MRAP2: variants seen among roughly 807,000 people sequenced by gnomAD.
The protein encoded by MRAP2 is melanocortin-2 receptor accessory protein 2.
MRAP2 carries 20 observed loss-of-function variants against 17.4 expected under a neutral mutation model. That is an observed-to-expected ratio of 1.15 (90% CI 0.81 to 1.67). MRAP2 has a LOEUF of 1.67. MRAP2 is among the 40% of genes most tolerant of loss of function. MRAP2 has a pLI of 0.00. For synonymous variants in MRAP2, 96 were observed against 88.4 expected (o/e 1.09, Z -0.48); for missense variants, 238 against 240.0 (o/e 0.99, Z 0.05).
the MRAP2 span, among the ~76,000 whole-genome samples, chr6:84,098,852 A>G: frequency 6.6e-6 from 1 of 152,070 alleles, no homozygotes; most frequent in African/African-American, 2.4e-5. Context: ...AATATAAGTT[A>G]TTTATCAGAT....
At chr6:84,108,767 G>A in the MRAP2 span, among the ~76,000 whole-genome samples, 1 of 152,084 alleles carries the variant, frequency 6.6e-6, no homozygotes, top group African/African-American at 2.4e-5. Context: ...TGTCCTAAAT[G>A]GTATCGCCTA....
At chr6:84,070,354 A>G (rs1260114950) in intron 3 of MRAP2, among the ~76,000 whole-genome samples, 14 of 152,148 alleles carry the variant, frequency 9.2e-5, no homozygotes, top group East Asian at 5.8e-4. Context: ...TTTTGACCCA[A>G]TGCTCATTCA....
the MRAP2 span, among the ~76,000 whole-genome samples, chr6:84,137,116 G>A: frequency 6.6e-6 from 1 of 152,194 alleles, no homozygotes; most frequent in East Asian, 1.9e-4. Context: ...CAGGTGGTAT[G>A]AGTCTTATTT....
chr6:84,052,218 A>C (rs2099490597), intron 1 of MRAP2, among the ~76,000 whole-genome samples: 1 of 152,176 alleles, frequency 6.6e-6, no homozygotes, highest in African/African-American at 2.4e-5. Flanking sequence ...AGCCATACAG[A>C]GAGCAGCTGC....
Position 84,062,950 on chromosome 6 carries a change from T to C in MRAP2, c.185T>C (p.Phe62Ser), listed in dbSNP as rs2099493566. 2 of 1,614,204 alleles carry C rather than the reference T, an allele frequency of 1.2e-6. No homozygotes were observed. The highest frequency in any genetic ancestry group is 2.7e-5 in the African/African-American group (2 of 75,058). Residue 62 changes from phenylalanine (F) to serine (S), a missense_variant, in exon 3 of 4, where the codon TTT becomes TCT. Transcript: ENST00000257776. ...GLAVFVIFMF[F>S]VLTLLTKTGA... The stretch of plus-strand genomic sequence containing the variant: ...GCAGTCTTCGTGATTTTTATGTTTT[T>C]TGTGCTGACCTTGCTGACCAAGACA...
At chr6:84,049,470 CA>C (rs1048579775) in intron 1 of MRAP2, among the ~76,000 whole-genome samples, 26 of 151,974 alleles carry the variant, frequency 1.7e-4, no homozygotes, top group African/African-American at 5.6e-4. Context: ...ACAACAACAA[CA>C]AAAAACTTAC....
the MRAP2 span, among the ~76,000 whole-genome samples, chr6:84,134,919 T>TATACAC: frequency 7.8e-4 from 115 of 148,370 alleles, no homozygotes; most frequent in African/African-American, 2.6e-3. Context: ...AGATCATATA[T>TATACAC]ACACACACAC....
intron 1 of MRAP2, among the ~76,000 whole-genome samples, chr6:84,048,935 G>A (rs1055529182): frequency 9.2e-5 from 14 of 152,176 alleles, no homozygotes; most frequent in African/African-American, 3.4e-4. Flanking sequence ...TCAGCTCCCT[G>A]AATCTGTAGA....
In MRAP2 at chr6:84,051,353, T is replaced by C. The variant is rs145362705; in HGVS notation, c.-7-3959T>C. The stretch of plus-strand genomic sequence containing the variant: ...GGCAGATCACCTGAGGTCAGGAGTT[T>C]GTAGACCAGCCTGGCCAGCATGGCA... On this transcript the variant is annotated intron_variant, in intron 1 of 3. Coordinates refer to ENST00000257776, the MANE Select transcript of MRAP2 (RefSeq NM_138409.4). Among the ~76,000 whole-genome samples the C allele has an allele frequency of 1.3e-3, 204 of 152,312 alleles. 1 individual carries two copies. The Middle Eastern group carries it at 0.031, about 23-fold the overall frequency.
At chr6:84,056,505 A>T (rs1021942569) in intron 2 of MRAP2, among the ~76,000 whole-genome samples, 2 of 152,184 alleles carry the variant, frequency 1.3e-5, no homozygotes, top group East Asian at 1.9e-4. Context: ...CTTTATTGAC[A>T]TCTGCTCAGT....
At chr6:84,133,988 G>A in the MRAP2 span, among the ~76,000 whole-genome samples, 2 of 152,152 alleles carry the variant, frequency 1.3e-5, no homozygotes, top group Non-Finnish European at 2.9e-5. Context: ...TGGCCATCTT[G>A]CATTTCAGAT....
At chr6:84,046,358 G>A (rs1588624807) in intron 1 of MRAP2, among the ~76,000 whole-genome samples, 2 of 152,162 alleles carry the variant, frequency 1.3e-5, no homozygotes, top group South Asian at 2.1e-4. Context: ...CCTTTTTGTC[G>A]TTGGGAAGCT....
the MRAP2 span, chr6:84,126,286 G>A: frequency 3.6e-6 from 3 of 827,592 alleles, 1 homozygote; most frequent in South Asian, 9.9e-5. Context: ...CACTTTAAGT[G>A]GTAATTTTTG....
At chr6:84,124,040 T>C in the MRAP2 span, among the ~76,000 whole-genome samples, 3 of 152,116 alleles carry the variant, frequency 2.0e-5, no homozygotes, top group African/African-American at 4.8e-5. Context: ...CAATGGTTAT[T>C]ATTAAAAAGT....
intron 1 of MRAP2, among the ~76,000 whole-genome samples, chr6:84,043,653 G>C (rs146006148): frequency 0.016 from 2,357 of 151,956 alleles, 27 homozygotes; most frequent in Middle Eastern, 0.034. Context: ...GTGTGTATGG[G>C]GGGGTGAGGG....
At chr6:84,138,936 CGTAATT>C in the MRAP2 span, among the ~76,000 whole-genome samples, 2 of 152,276 alleles carry the variant, frequency 1.3e-5, no homozygotes, top group Admixed American at 6.5e-5. Context: ...CTGACACTTG[CGTAATT>C]GTAGAGTGTT....
At chr6:84,118,656 C>G in the MRAP2 span, among the ~76,000 whole-genome samples, 1 of 152,204 alleles carries the variant, frequency 6.6e-6, no homozygotes, top group Non-Finnish European at 1.5e-5. Context: ...CCCCTGGGGA[C>G]TCCATCCCTT....
At chr6:84,078,905 T>C (rs1203461213) in intron 3 of MRAP2, among the ~76,000 whole-genome samples, 1 of 152,222 alleles carries the variant, frequency 6.6e-6, no homozygotes, top group Non-Finnish European at 1.5e-5. Context: ...GGTATGCTTT[T>C]ATAGCAACAT....
At chr6:84,081,475 C>T (rs1157240250) in intron 3 of MRAP2, among the ~76,000 whole-genome samples, 1 of 152,184 alleles carries the variant, frequency 6.6e-6, no homozygotes, top group Non-Finnish European at 1.5e-5. Flanking sequence ...TTCCCCTGTG[C>T]TATTCTTGTG....
Sources: gnomAD v4.1 joint callset for allele counts (sites outside exome capture counted in the v4.1 genomes callset) on GRCh38, gnomAD v4.1.1 for gene constraint, MANE v1.5 for transcripts, NCBI Gene and HGNC (gene_info 2026-07-23, HGNC 2026-07-21) for gene names.